Variants in RIPOR2 observed in about 807,000 individuals in gnomAD.
RIPOR2 encodes the protein rho family-interacting cell polarization regulator 2.
A neutral mutation model predicts 114.5 loss-of-function variants in RIPOR2; 39 were observed. The observed-to-expected ratio is 0.34, with a 90% CI of 0.26 to 0.44. RIPOR2 has a LOEUF of 0.44. Among genes scored for constraint, RIPOR2 ranks in the 20% least tolerant of loss-of-function variants. The probability of loss-of-function intolerance (pLI) is 1.00; values close to 1 mark genes in which losing one functional copy is unlikely to be tolerated. For synonymous variants in RIPOR2, 445 were observed against 484.4 expected (o/e 0.92, Z 1.07); for missense variants, 1,007 against 1,255.1 (o/e 0.80, Z 2.99).
chr6:25,041,974 G>T (rs1352111033), exon 1 of RIPOR2: 1 of 670,338 alleles, frequency 1.5e-6, no homozygotes, highest in Non-Finnish European at 2.7e-6. Context: ...AGGAACAAAA[G>T]GGTCTTGCAG....
At chr6:24,908,282 T>A (rs1769191009) in intron 1 of RIPOR2, among the ~76,000 whole-genome samples, 1 of 152,216 alleles carries the variant, frequency 6.6e-6, no homozygotes, top group Non-Finnish European at 1.5e-5. Flanking sequence ...GTTTTTAGAC[T>A]TCTGACTTCT....
intron 6 of RIPOR2, 26 bp downstream of exon 6, chr6:24,869,068 G>A: frequency 2.2e-6 from 3 of 1,394,650 alleles, no homozygotes; most frequent in Non-Finnish European, 3.0e-6. Flanking sequence ...TGAAAAACAG[G>A]CAATGAGAAC....
chr6:24,852,191 G>A (rs1763024928), intron 9 of RIPOR2, among the ~76,000 whole-genome samples: 1 of 152,088 alleles, frequency 6.6e-6, no homozygotes, highest in Admixed American at 6.6e-5. Context: ...GAATCCAGGT[G>A]GCAGAGGTTG....
In RIPOR2 at chr6:24,942,203, A is replaced by T. The variant is rs115280633; in HGVS notation, c.77-66386T>A. ...AAAAAATGAATTTTATTTAATGACT[A>T]GTACTTGATCCTTTGGTAAATCACA... On this transcript the variant is annotated intron_variant, in intron 1 of 13. Coordinates refer to the RIPOR2 transcript ENST00000510784. Among the ~76,000 whole-genome samples the T allele has an allele frequency of 7.2e-3, 1,091 of 152,352 alleles. 10 individuals are homozygous for T. The highest frequency in any genetic ancestry group is 0.024 in the African/African-American group (1,017 of 41,586).
chr6:25,015,896 G>GTTT (rs869301317), intron 1 of RIPOR2: 7,091 of 45,662 alleles, frequency 0.16, 1,854 homozygotes, highest in Non-Finnish European at 0.2. Context: ...AGGTTTTTTG[G>GTTT]TTTTTTTTTT....
intron 8 of RIPOR2, among the ~76,000 whole-genome samples, chr6:24,855,966 T>G (rs929456378): frequency 3.3e-5 from 5 of 152,048 alleles, no homozygotes; most frequent in Non-Finnish European, 2.9e-5. Flanking sequence ...GTTAGGAGTT[T>G]CAGGCGGCCG....
rs911893714 is a variant in RIPOR2, at chr6:24,828,255, C to T, written c.2547G>A (p.Glu849=). 1.3e-6 allele frequency: 2 copies of T among 1,550,894 alleles called. No individual in the cohort carries two copies. Among genetic ancestry groups the T allele is most frequent in the Non-Finnish European group, 1.7e-6 (2 of 1,146,494 alleles). ...TLVSQILDRA[E]PLLSSSLSSE... ...AGGACAGGCTGGAGGAAAGCAGAGG[C>T]TCAGCCCGGTCCAGAATTTGGGACA... Residue 849 remains glutamate (E), a synonymous_variant, in exon 18 of 22, where the codon GAG becomes GAA. Coordinates refer to ENST00000643898, the MANE Select transcript of RIPOR2 (RefSeq NM_001286445.3).
At chr6:25,025,179 C>T (rs1776547860) in intron 1 of RIPOR2, among the ~76,000 whole-genome samples, 1 of 152,162 alleles carries the variant, frequency 6.6e-6, no homozygotes, top group Non-Finnish European at 1.5e-5. Context: ...ACGCCTGCTC[C>T]CACCCACAGG....
chr6:24,928,474 G>C (rs979523853), intron 1 of RIPOR2, among the ~76,000 whole-genome samples: 1 of 152,102 alleles, frequency 6.6e-6, no homozygotes, highest in Admixed American at 6.6e-5. Flanking sequence ...ATACTCAAAG[G>C]CTCAGCCAGC....
At chr6:25,014,966 G>A (rs531159954) in intron 1 of RIPOR2, 5 of 151,862 alleles carry the variant, frequency 3.3e-5, no homozygotes, top group East Asian at 4.0e-4. Flanking sequence ...TAAGAACATA[G>A]GCAGTCACAG....
At position 24,879,105 on chromosome 6, in the gene RIPOR2, C is replaced by T. The variant is rs918992553; in HGVS notation, c.62-3288G>A. 4.3e-5 allele frequency among the ~76,000 whole-genome samples: 6 copies of T among 138,870 alleles called. 1 individual carries two copies. The highest frequency in any genetic ancestry group is 2.9e-4 in the Admixed American group (4 of 13,778). 91.1% of individuals were successfully genotyped at this position (138,870 alleles called of 152,430 possible). A position where few individuals can be genotyped will look rare whatever the true frequency, so the allele number is the denominator to read the frequency against. ...CTGTAATCCCAGCACTTTGGGAGGC[C>T]GAGGCAGGTGGATCACCTGAGATCA... On this transcript the variant is annotated intron_variant, in intron 1 of 21. Transcript: ENST00000643898.
intron 4 of RIPOR2, among the ~76,000 whole-genome samples, chr6:24,871,320 C>T (rs1005946084): frequency 1.3e-5 from 2 of 152,190 alleles, no homozygotes; most frequent in Non-Finnish European, 2.9e-5. Context: ...ACCTGCCTCG[C>T]TGTCTAAACA....
intron 1 of RIPOR2, among the ~76,000 whole-genome samples, chr6:24,985,338 G>T (rs1421178069): frequency 6.7e-6 from 1 of 150,120 alleles, no homozygotes; most frequent in Non-Finnish European, 1.5e-5. Flanking sequence ...TGAAAGGCAA[G>T]AGGTGGGACC....
At chr6:25,018,231 C>T (rs560805270) in intron 1 of RIPOR2, among the ~76,000 whole-genome samples, 1 of 152,330 alleles carries the variant, frequency 6.6e-6, no homozygotes, top group African/African-American at 2.4e-5. Context: ...AGTATCTTGG[C>T]TAGCTCAGAA....
At chr6:24,856,823 G>A (rs1241586153) in intron 8 of RIPOR2, among the ~76,000 whole-genome samples, 1 of 152,144 alleles carries the variant, frequency 6.6e-6, no homozygotes, top group Admixed American at 6.5e-5. Context: ...AATTACAATG[G>A]AAGACTGGTT....
At position 25,007,398 on chromosome 6, in the gene RIPOR2, C is replaced by G. The variant is rs949648938; in HGVS notation, c.76+34453G>C. ...TTCACATTCTCATCACTGACACTGC[C>G]TGCTCCACCACGGGCGCTCAATACT... On this transcript the variant is annotated intron_variant, in intron 1 of 13. Transcript: ENST00000510784. Among the ~76,000 whole-genome samples, 5 of 152,240 alleles carry G rather than the reference C, an allele frequency of 3.3e-5. No individual in the cohort carries two copies. The East Asian group carries it at 9.7e-4, about 29-fold the overall frequency.
At chr6:24,998,204 C>T (rs547611625) in intron 1 of RIPOR2, among the ~76,000 whole-genome samples, 8 of 152,206 alleles carry the variant, frequency 5.3e-5, no homozygotes, top group African/African-American at 1.7e-4. Flanking sequence ...GGATAGAAAA[C>T]GGTCTCCTCT....
intron 1 of RIPOR2, among the ~76,000 whole-genome samples, chr6:24,995,412 G>T (rs951734336): frequency 5.3e-5 from 8 of 152,234 alleles, no homozygotes; most frequent in Admixed American, 1.3e-4. Context: ...GGCATCACTG[G>T]GGGAAGGGAG....
At chr6:24,838,924 C>T (rs921464091) in intron 14 of RIPOR2, among the ~76,000 whole-genome samples, 167 bp downstream of exon 14, 4 of 152,054 alleles carry the variant, frequency 2.6e-5, no homozygotes, top group Non-Finnish European at 5.9e-5. Flanking sequence ...TAATATTGAC[C>T]CTTTTATTGC....
Sources: gnomAD v4.1 joint callset for allele counts (sites outside exome capture counted in the v4.1 genomes callset) on GRCh38, gnomAD v4.1.1 for gene constraint, MANE v1.5 for transcripts, NCBI Gene and HGNC (gene_info 2026-07-23, HGNC 2026-07-21) for gene names.